ABCC4: variants seen among roughly 807,000 people sequenced by gnomAD.
ABCC4 encodes the protein ATP-binding cassette sub-family C member 4.
A neutral mutation model predicts 168.5 loss-of-function variants in ABCC4; 102 were observed. The ratio of observed to expected loss-of-function variants is 0.61; its 90% CI spans 0.52 to 0.71. The LOEUF (loss-of-function observed/expected upper bound fraction) is 0.71, where lower values mean the gene tolerates loss of function less well. Ranked by LOEUF, ABCC4 falls within the 30% of genes least tolerant of loss-of-function variation. The pLI is 0.00. For synonymous variants in ABCC4, 617 were observed against 590.7 expected (o/e 1.04, Z -0.65); for missense variants, 1,402 against 1,605.8 (o/e 0.87, Z 2.17).
rs553275142 is a variant in ABCC4, at chr13:95,169,386, T to C, written c.1824+1146A>G. On this transcript the variant is annotated intron_variant, in intron 14 of 30. Transcript: ENST00000645237. The stretch of plus-strand genomic sequence containing the variant: ...TCTCTTAAAATCACAGATCAAACCA[T>C]GTCACTCCACTGCTCTGGACTGTCC... Among the ~76,000 whole-genome samples, 5 of 152,266 alleles carry C rather than the reference T, an allele frequency of 3.3e-5. No homozygotes were observed. In the South Asian group the frequency reaches 1.0e-3, roughly 32 times the overall value.
chr13:95,194,664 C>T (rs1247686039), intron 9 of ABCC4, among the ~76,000 whole-genome samples, 172 bp downstream of exon 9: 3 of 152,102 alleles, frequency 2.0e-5, no homozygotes, highest in Non-Finnish European at 4.4e-5. Flanking sequence ...GATTTCATAC[C>T]TACTTTCTAT....
chr13:95,132,452 GT>G (rs1346863433), intron 19 of ABCC4, among the ~76,000 whole-genome samples: 2 of 152,044 alleles, frequency 1.3e-5, no homozygotes, highest in African/African-American at 4.8e-5. Context: ...CTGGCCTCAA[GT>G]TGATCCACCC....
chr13:95,143,924 GA>G (rs1194079901), intron 19 of ABCC4, among the ~76,000 whole-genome samples: 7 of 152,080 alleles, frequency 4.6e-5, no homozygotes, highest in Non-Finnish European at 1.5e-5. Flanking sequence ...AAATCCTTCT[GA>G]AAATTGATAA....
chr13:95,044,429 T>A lies in ABCC4; in HGVS notation c.3466A>T (p.Lys1156Ter). The change falls in exon 28 of 31, where the codon AAA (lysine) becomes TAA (stop). Residue 1156 changes from lysine (K) to a stop codon, truncating the protein, a stop_gained. Transcript: ENST00000645237. LOFTEE classifies it high-confidence loss of function. Reference sequence around the variant, plus strand: ...CCAGGAAGATCTTCAATGGTTTCTTTAAGTTGTACCTGTAGATGTACAAAG... The same window carrying A: ...CCAGGAAGATCTTCAATGGTTTCTTAAAGTTGTACCTGTAGATGTACAAAG... Reference protein sequence around the residue: ...LWNALQEVQLKETIEDLPGKM... With the variant: ...LWNALQEVQL 1.2e-6 allele frequency: 2 copies of A among 1,611,016 alleles called. No individual in the cohort carries two copies. Among genetic ancestry groups the A allele is most frequent in the Non-Finnish European group, 1.7e-6 (2 of 1,178,776 alleles).
rs1029590487 is a variant in ABCC4 at position 95,298,834 on chromosome 13, G to A, written c.74+2407C>T. Among the ~76,000 whole-genome samples the A allele has an allele frequency of 3.9e-5, 6 of 152,192 alleles. No homozygotes were observed. The South Asian group carries it at 1.0e-3, about 26-fold the overall frequency. On this transcript the variant is annotated intron_variant, in intron 1 of 30. Coordinates refer to ENST00000645237, the MANE Select transcript of ABCC4 (RefSeq NM_005845.5). ...AACCACTCTCAGCTTAAGTGTCCTCGGAGTAAAACAGAGGTCTACTAGCTC... is the reference window on the plus strand; with the variant it reads ...AACCACTCTCAGCTTAAGTGTCCTCAGAGTAAAACAGAGGTCTACTAGCTC...
intron 25 of ABCC4, among the ~76,000 whole-genome samples, chr13:95,064,297 T>TATATATATATATATATACAC (rs1555306881): frequency 6.6e-5 from 7 of 105,302 alleles, no homozygotes; most frequent in Non-Finnish European, 1.2e-4. Flanking sequence ...TATATATATA[T>TATATATATATATATATACAC]ACACACACAC....
At chr13:95,277,819 G>A (rs1237374835) in intron 1 of ABCC4, among the ~76,000 whole-genome samples, 5 of 152,128 alleles carry the variant, frequency 3.3e-5, no homozygotes, top group African/African-American at 4.8e-5. Context: ...ATCACAAAAC[G>A]TGTCCCGCAG....
At chr13:95,273,918 G>A (rs1433797133) in intron 1 of ABCC4, among the ~76,000 whole-genome samples, 2 of 148,924 alleles carry the variant, frequency 1.3e-5, no homozygotes, top group African/African-American at 4.9e-5. Context: ...CGGGGTTCAC[G>A]CGATATCTGA....
intron 11 of ABCC4, among the ~76,000 whole-genome samples, 178 bp downstream of exon 11, chr13:95,186,523 A>C (rs968615156): frequency 5.9e-5 from 9 of 152,206 alleles, no homozygotes; most frequent in Non-Finnish European, 1.0e-4. Flanking sequence ...TCATTTTCGC[A>C]TCAGACGTAA....
intron 19 of ABCC4, among the ~76,000 whole-genome samples, chr13:95,134,182 A>C (rs2036066114): frequency 6.6e-6 from 1 of 152,190 alleles, no homozygotes; most frequent in Non-Finnish European, 1.5e-5. Context: ...TACACTGAGA[A>C]CCGAAGGCCA....
At chr13:95,298,233 G>C (rs184736289) in intron 1 of ABCC4, among the ~76,000 whole-genome samples, 1 of 152,236 alleles carries the variant, frequency 6.6e-6, no homozygotes, top group African/African-American at 2.4e-5. Context: ...AGGTTGCAGT[G>C]AGCAGAGATT....
At chr13:95,083,329 G>A (rs1342542925) in intron 20 of ABCC4, 39 bp from the exon 21 acceptor site, 3 of 1,603,330 alleles carry the variant, frequency 1.9e-6, no homozygotes, top group Admixed American at 3.5e-5. Context: ...TCCTTATCAA[G>A]TATTCTTTTC....
At chr13:95,125,719 C>T (rs1407774576) in intron 19 of ABCC4, among the ~76,000 whole-genome samples, 1 of 152,222 alleles carries the variant, frequency 6.6e-6, no homozygotes, top group African/African-American at 2.4e-5. Context: ...CCATTGAAAA[C>T]ACCTGATAAA....
intron 19 of ABCC4, among the ~76,000 whole-genome samples, chr13:95,152,614 T>C (rs922512848): frequency 6.6e-6 from 1 of 152,176 alleles, no homozygotes; most frequent in African/African-American, 2.4e-5. Flanking sequence ...AAAAACTTGA[T>C]AAAAGCAAAA....
intron 25 of ABCC4, among the ~76,000 whole-genome samples, chr13:95,070,494 G>A (rs1362132452): frequency 6.6e-6 from 1 of 152,132 alleles, no homozygotes; most frequent in Admixed American, 6.5e-5. Flanking sequence ...CTAGCCAAGG[G>A]CCCCAGGACA....
Position 95,177,739 on chromosome 13 carries a change from T to C in ABCC4, c.1695A>G (p.Val565=). 2 of 1,611,636 alleles carry C rather than the reference T, an allele frequency of 1.2e-6. No homozygotes were observed. The highest frequency in any genetic ancestry group is 1.7e-6 in the Non-Finnish European group (2 of 1,177,868). Residue 565 remains valine (V), a synonymous_variant, in exon 13 of 31, where the codon GTA becomes GTG. Transcript: ENST00000645237. ...IYLLDDPLSA[V]DAEVSRHLFE... is the part of the protein sequence containing the mutation. ...ACAAGTGTCTGCTAACTTCCGCATCTACTGCACTGAGAGGATCGTCCAGGA... is the reference window on the plus strand; with the variant it reads ...ACAAGTGTCTGCTAACTTCCGCATCCACTGCACTGAGAGGATCGTCCAGGA...
intron 11 of ABCC4, among the ~76,000 whole-genome samples, chr13:95,180,476 C>T (rs1209322512): frequency 6.6e-6 from 1 of 152,046 alleles, no homozygotes; most frequent in African/African-American, 2.4e-5. Context: ...TCGCTTGAAC[C>T]TGGGAGGCAA....
At chr13:95,103,251 C>T (rs192581942) in intron 20 of ABCC4, among the ~76,000 whole-genome samples, 26 of 152,130 alleles carry the variant, frequency 1.7e-4, no homozygotes, top group African/African-American at 6.0e-4. Context: ...GGCGACAGAG[C>T]GAGACTCCGT....
intron 11 of ABCC4, among the ~76,000 whole-genome samples, chr13:95,182,752 T>C (rs1031147208): frequency 2.6e-5 from 4 of 152,180 alleles, no homozygotes; most frequent in Non-Finnish European, 4.4e-5. Flanking sequence ...ACACACCTAC[T>C]GAAGAGGAAC....
Sources: allele counts gnomAD v4.1 joint callset (sites outside exome capture counted in the v4.1 genomes callset), GRCh38; gene constraint gnomAD v4.1.1; transcripts MANE v1.5; gene names NCBI Gene and HGNC (gene_info 2026-07-23, HGNC 2026-07-21).